The following CADPS2 variants were observed in gnomAD, a reference collection of about 807,000 sequenced individuals.
CADPS2 encodes calcium dependent secretion activator 2, also known as calcium-dependent secretion activator 2.
In CADPS2, 93 loss-of-function variants were observed where a neutral mutation model predicts 172.5. The observed-to-expected ratio is 0.54, with a 90% confidence interval of 0.46 to 0.64. The LOEUF is 0.64. Ranked by LOEUF, CADPS2 falls within the 30% of genes least tolerant of loss-of-function variation. The pLI is 0.00. For synonymous variants in CADPS2, 546 were observed against 555.2 expected (o/e 0.98, Z 0.23); for missense variants, 1,420 against 1,565.9 (o/e 0.91, Z 1.57).
chr7:122,785,005 A>T (rs1267283493), intron 1 of CADPS2, among the ~76,000 whole-genome samples: 1 of 151,860 alleles, frequency 6.6e-6, no homozygotes, highest in Non-Finnish European at 1.5e-5. Flanking sequence ...TCCCCTCAAG[A>T]TTTCTAACTT....
At chr7:122,492,551 C>T (rs961111987) in intron 9 of CADPS2, among the ~76,000 whole-genome samples, 1 of 152,158 alleles carries the variant, frequency 6.6e-6, no homozygotes, top group Non-Finnish European at 1.5e-5. Context: ...GATGCTACAA[C>T]AGGCAGGCTC....
At chr7:122,361,535 A>G (rs758969123) in intron 25 of CADPS2, among the ~76,000 whole-genome samples, 11 of 152,016 alleles carry the variant, frequency 7.2e-5, no homozygotes, top group Non-Finnish European at 1.3e-4. Context: ...TCTGGCCAAT[A>G]ATACACAATT....
At chr7:122,635,618 T>G (rs1188881846) in intron 3 of CADPS2, among the ~76,000 whole-genome samples, 1 of 152,196 alleles carries the variant, frequency 6.6e-6, no homozygotes, top group Non-Finnish European at 1.5e-5. Flanking sequence ...CTCATCATTT[T>G]TTATGGCTGC....
chr7:122,782,693 A>G (rs1272147232), intron 1 of CADPS2, among the ~76,000 whole-genome samples: 1 of 152,224 alleles, frequency 6.6e-6, no homozygotes, highest in Non-Finnish European at 1.5e-5. Flanking sequence ...AGATAAAATT[A>G]TAGCACATCA....
intron 8 of CADPS2, among the ~76,000 whole-genome samples, chr7:122,534,750 A>G (rs567200203): frequency 6.6e-5 from 10 of 152,256 alleles, no homozygotes; most frequent in South Asian, 2.1e-4. Context: ...AGATTTAAAC[A>G]GGAAAAAAGT....
intron 9 of CADPS2, among the ~76,000 whole-genome samples, chr7:122,503,974 G>A (rs2059418885): frequency 6.6e-6 from 1 of 152,152 alleles, no homozygotes; most frequent in Admixed American, 6.5e-5. Flanking sequence ...GGTCAGAAAG[G>A]CCTCTCTGAA....
At chr7:122,579,892 T>C (rs2068574289) in intron 7 of CADPS2, among the ~76,000 whole-genome samples, 1 of 151,908 alleles carries the variant, frequency 6.6e-6, no homozygotes, top group Non-Finnish European at 1.5e-5. Flanking sequence ...ATCTCTGGAG[T>C]GTAGATACAG....
chr7:122,383,576 G>C (rs1216018098), intron 24 of CADPS2, among the ~76,000 whole-genome samples: 1 of 152,102 alleles, frequency 6.6e-6, no homozygotes, highest in Admixed American at 6.6e-5. Context: ...AAGGCAAACT[G>C]TGCCTGCTTT....
At chr7:122,383,068 C>T (rs2043208635) in intron 24 of CADPS2, among the ~76,000 whole-genome samples, 1 of 152,006 alleles carries the variant, frequency 6.6e-6, no homozygotes, top group Non-Finnish European at 1.5e-5. Flanking sequence ...GTAGCAAAGA[C>T]ATGAAATCAA....
chr7:122,678,897 T>C (rs925198001), intron 2 of CADPS2, among the ~76,000 whole-genome samples: 1 of 152,172 alleles, frequency 6.6e-6, no homozygotes, highest in Non-Finnish European at 1.5e-5. Context: ...GAAGATTTCA[T>C]GGACATTTAA....
intron 1 of CADPS2, among the ~76,000 whole-genome samples, chr7:122,836,091 C>T (rs571511621): frequency 7.2e-5 from 11 of 152,186 alleles, no homozygotes; most frequent in Non-Finnish European, 1.6e-4. Flanking sequence ...TCAGCAGAAA[C>T]TCTACAAGCC....
chr7:122,508,116 C>G (rs902576919), intron 9 of CADPS2, among the ~76,000 whole-genome samples: 2 of 152,014 alleles, frequency 1.3e-5, no homozygotes, highest in African/African-American at 4.8e-5. Flanking sequence ...CATATGAATA[C>G]TTACAAATAC....
chr7:122,823,498 T>C (rs1228663615), intron 1 of CADPS2, among the ~76,000 whole-genome samples: 1 of 152,058 alleles, frequency 6.6e-6, no homozygotes, highest in Non-Finnish European at 1.5e-5. Context: ...TATGATTTAA[T>C]GTGCATAGAA....
At chr7:122,833,456 T>C (rs541859847) in intron 1 of CADPS2, among the ~76,000 whole-genome samples, 2 of 152,232 alleles carry the variant, frequency 1.3e-5, no homozygotes, top group South Asian at 4.1e-4. Context: ...GTTCGAGCAA[T>C]TCTCTTGCCT....
intron 3 of CADPS2, among the ~76,000 whole-genome samples, chr7:122,645,376 C>CATGTACATGTGTGTAT (rs2078267058): frequency 2.5e-5 from 2 of 81,310 alleles, no homozygotes; most frequent in African/African-American, 7.0e-5. Context: ...TGTATACACA[C>CATGTACATGTGTGTAT]ATATGTACAT....
In CADPS2 at chr7:122,654,762, G is replaced by A. The variant is rs111713459; in HGVS notation, c.786+8475C>T. Among the ~76,000 whole-genome samples, 7 of 152,212 alleles carry A rather than the reference G, an allele frequency of 4.6e-5. 1 individual carries two copies. Among genetic ancestry groups the A allele is most frequent in the East Asian group, 1.9e-4 (1 of 5,174 alleles). ...TAACCAAGAAGGAATTTTGACTTTC[G>A]AGTCTTATTATTTAAGAAATACAGT... On this transcript the variant is annotated intron_variant, in intron 3 of 29. Coordinates refer to ENST00000449022, the MANE Select transcript of CADPS2 (RefSeq NM_017954.11).
chr7:122,658,739 T>A (rs1167822287), intron 3 of CADPS2, among the ~76,000 whole-genome samples: 1 of 152,062 alleles, frequency 6.6e-6, no homozygotes, highest in African/African-American at 2.4e-5. Context: ...CTTTGTGGTG[T>A]GGACGAGTGG....
intron 26 of CADPS2, 47 bp downstream of exon 26, chr7:122,360,883 T>C: frequency 6.2e-7 from 1 of 1,601,784 alleles, no homozygotes; most frequent in Non-Finnish European, 8.5e-7. Context: ...ATAAGTACTA[T>C]GACAACAGTT....
At chr7:122,508,684 G>A (rs1350503232) in intron 9 of CADPS2, among the ~76,000 whole-genome samples, 4 of 151,624 alleles carry the variant, frequency 2.6e-5, no homozygotes. Flanking sequence ...TATTTTTAAA[G>A]GGGAAACAAA....
Sources: allele counts gnomAD v4.1 joint callset (sites outside exome capture counted in the v4.1 genomes callset), GRCh38; gene constraint gnomAD v4.1.1; transcripts MANE v1.5; gene names NCBI Gene and HGNC (gene_info 2026-07-23, HGNC 2026-07-21).